Variants in VPS13B observed in about 807,000 individuals in gnomAD.
VPS13B encodes intermembrane lipid transfer protein VPS13B.
In VPS13B, 285 loss-of-function variants were observed where a neutral mutation model predicts 426.4. That is an observed-to-expected ratio of 0.67 (90% CI 0.61 to 0.74). The LOEUF (loss-of-function observed/expected upper bound fraction) is 0.74, where lower values mean the gene tolerates loss of function less well. Among genes scored for constraint, VPS13B ranks in the 30% least tolerant of loss-of-function variants. The probability of loss-of-function intolerance (pLI) is 0.00; values close to 1 mark genes in which losing one functional copy is unlikely to be tolerated. For synonymous variants in VPS13B, 1,676 were observed against 1,676.4 expected (o/e 1.00, Z 0.01); for missense variants, 4,537 against 4,782.6 (o/e 0.95, Z 1.51).
intron 3 of VPS13B, among the ~76,000 whole-genome samples, chr8:99,040,564 A>T (rs1364716388): frequency 1.3e-5 from 2 of 152,210 alleles, no homozygotes; most frequent in Non-Finnish European, 2.9e-5. Context: ...ACAGATTTTA[A>T]AATAGTTTAT....
At chr8:99,425,954 A>T (rs1190903419) in intron 21 of VPS13B, among the ~76,000 whole-genome samples, 2 of 151,916 alleles carry the variant, frequency 1.3e-5, no homozygotes, top group Non-Finnish European at 2.9e-5. Context: ...GTACTTGTGC[A>T]CATTGTGCAG....
At chr8:99,343,145 G>A (rs980663377) in intron 19 of VPS13B, among the ~76,000 whole-genome samples, 7 of 151,134 alleles carry the variant, frequency 4.6e-5, no homozygotes. Context: ...CCAGGCTGGA[G>A]TGCAGTGGCA....
At chr8:99,073,573 T>G (rs1844945792) in intron 3 of VPS13B, among the ~76,000 whole-genome samples, 1 of 152,088 alleles carries the variant, frequency 6.6e-6, no homozygotes, top group Admixed American at 6.5e-5. Flanking sequence ...ATGTTGATTT[T>G]GTATCCTGCA....
chr8:99,428,124 A>T (rs1365148055), intron 21 of VPS13B, among the ~76,000 whole-genome samples: 2 of 152,214 alleles, frequency 1.3e-5, no homozygotes, highest in East Asian at 3.8e-4. Context: ...TACACCTTAT[A>T]CAAAAATTAA....
At chr8:99,118,899 T>G (rs1847806567) in intron 7 of VPS13B, among the ~76,000 whole-genome samples, 1 of 152,240 alleles carries the variant, frequency 6.6e-6, no homozygotes, top group African/African-American at 2.4e-5. Context: ...TTCTTTCTCT[T>G]GGGTAAATAC....
intron 15 of VPS13B, among the ~76,000 whole-genome samples, chr8:99,161,027 T>C (rs1811621075): frequency 6.6e-6 from 1 of 152,166 alleles, no homozygotes; most frequent in African/African-American, 2.4e-5. Context: ...GGGGCCATTA[T>C]TTTAGTGATC....
chr8:99,624,824 TC>T (rs1238644832), intron 33 of VPS13B, among the ~76,000 whole-genome samples: 77 of 135,096 alleles, frequency 5.7e-4, no homozygotes, highest in African/African-American at 1.9e-3. Flanking sequence ...TTTTTTTTTT[TC>T]CCCCTTCCTG....
chr8:99,389,965 A>G (rs115014631), intron 20 of VPS13B, among the ~76,000 whole-genome samples: 133 of 152,284 alleles, frequency 8.7e-4, no homozygotes, highest in African/African-American at 3.1e-3. Flanking sequence ...TATAAGGAGC[A>G]TATCTCATCT....
intron 17 of VPS13B, among the ~76,000 whole-genome samples, chr8:99,225,252 G>A (rs1028902702): frequency 6.6e-6 from 1 of 152,022 alleles, no homozygotes; most frequent in Admixed American, 6.6e-5. Context: ...ACTATATTCA[G>A]AAGGAAATTT....
chr8:99,515,400 T>TTCC (rs751830064), intron 29 of VPS13B, among the ~76,000 whole-genome samples: 12,591 of 150,800 alleles, frequency 0.083, 864 homozygotes, highest in African/African-American at 0.19. Context: ...CTGCTTCTGC[T>TTCC]TCCTCCTCCT....
At chr8:99,663,550 A>C (rs1340125405) in intron 35 of VPS13B, among the ~76,000 whole-genome samples, 1 of 152,218 alleles carries the variant, frequency 6.6e-6, no homozygotes, top group African/African-American at 2.4e-5. Flanking sequence ...ATTGTAAAAA[A>C]ACATTCTATA....
At chr8:99,778,372 T>C (rs1239790624) in intron 41 of VPS13B, among the ~76,000 whole-genome samples, 1 of 152,222 alleles carries the variant, frequency 6.6e-6, no homozygotes, top group African/African-American at 2.4e-5. Flanking sequence ...AGAGCAGTTC[T>C]ATAAAATTCT....
chr8:99,227,183 T>G (rs561725213), intron 17 of VPS13B, among the ~76,000 whole-genome samples: 57 of 152,290 alleles, frequency 3.7e-4, no homozygotes, highest in African/African-American at 1.3e-3. Flanking sequence ...TAATATTAAT[T>G]TTTGTATTCT....
chr8:99,855,834 T>C (rs1478122775), intron 56 of VPS13B, among the ~76,000 whole-genome samples: 4 of 152,218 alleles, frequency 2.6e-5, no homozygotes, highest in Non-Finnish European at 5.9e-5. Flanking sequence ...TGCACAACAA[T>C]GAAGAAAACA....
intron 17 of VPS13B, chr8:99,233,844 C>T (rs1448617516): frequency 2.2e-5 from 17 of 779,302 alleles, no homozygotes; most frequent in Non-Finnish European, 3.8e-5. Flanking sequence ...AGTTTGGTCT[C>T]ATCTGCCTCT....
chr8:99,852,946 T>C (rs1816368578), intron 55 of VPS13B, among the ~76,000 whole-genome samples: 1 of 152,064 alleles, frequency 6.6e-6, no homozygotes, highest in Admixed American at 6.5e-5. Context: ...TGGTGCACTT[T>C]GGAGAGGGGT....
At chr8:99,725,610 C>T (rs760244756) in intron 39 of VPS13B, among the ~76,000 whole-genome samples, 2 of 152,154 alleles carry the variant, frequency 1.3e-5, no homozygotes, top group African/African-American at 2.4e-5. Flanking sequence ...CAGTATCCAT[C>T]GCAGTAGAGA....
chr8:99,619,886 G>GATAATAATAATA (rs60817713), intron 33 of VPS13B, among the ~76,000 whole-genome samples: 5 of 146,876 alleles, frequency 3.4e-5, no homozygotes, highest in African/African-American at 1.3e-4. Context: ...AAATGATGAT[G>GATAATAATAATA]ATAATAATAA....
At chr8:99,668,245 A>G (rs1334243858) in intron 35 of VPS13B, among the ~76,000 whole-genome samples, 1 of 151,732 alleles carries the variant, frequency 6.6e-6, no homozygotes. Flanking sequence ...AGTCCTTGCT[A>G]CTCAGAGAGC....
Sources: allele counts gnomAD v4.1 joint callset (sites outside exome capture counted in the v4.1 genomes callset), GRCh38; gene constraint gnomAD v4.1.1; transcripts MANE v1.5; gene names NCBI Gene and HGNC (gene_info 2026-07-23, HGNC 2026-07-21).